Variants in MYH9 observed in about 807,000 individuals in gnomAD.
The protein encoded by MYH9 is myosin heavy chain 9.
MYH9 carries 29 observed loss-of-function variants against 241.9 expected under a neutral mutation model. The observed-to-expected ratio is 0.12, with a 90% CI of 0.09 to 0.16. The LOEUF (loss-of-function observed/expected upper bound fraction) is 0.16. Ranked by LOEUF, MYH9 falls within the 10% of genes least tolerant of loss-of-function variation. The pLI, the probability that MYH9 is intolerant of heterozygous loss-of-function variation, is 1.00. For synonymous variants in MYH9, 1,047 were observed against 1,062.6 expected, an observed-to-expected ratio of 0.99 and a Z score of 0.29; for missense variants, 1,803 against 2,595.5, an observed-to-expected ratio of 0.69 and a Z score of 6.63.
chr22:36,387,217 G>C (rs937155127), intron 1 of MYH9, among the ~76,000 whole-genome samples: 2 of 152,230 alleles, frequency 1.3e-5, no homozygotes, highest in African/African-American at 4.8e-5. Flanking sequence ...TGAGGAAGTC[G>C]GCCGCGGAGG....
chr22:36,372,928 T>C (rs1050053884), intron 1 of MYH9, among the ~76,000 whole-genome samples: 4 of 151,926 alleles, frequency 2.6e-5, no homozygotes, highest in African/African-American at 9.7e-5. Context: ...CCACAACACC[T>C]GGCAGAGGAA....
intron 31 of MYH9, among the ~76,000 whole-genome samples, chr22:36,289,741 T>A (rs1480317429): frequency 6.6e-6 from 1 of 152,146 alleles, no homozygotes; most frequent in Non-Finnish European, 1.5e-5. Context: ...TCCCCTGGCA[T>A]CTGTTCTCTG....
At chr22:36,379,178 CAG>C (rs2018216815) in intron 1 of MYH9, among the ~76,000 whole-genome samples, 1 of 152,150 alleles carries the variant, frequency 6.6e-6, no homozygotes, top group Admixed American at 6.5e-5. Context: ...GCAACCTACT[CAG>C]AGATTAGCTT....
At chr22:36,287,697 A>C (rs1191358879) in intron 34 of MYH9, among the ~76,000 whole-genome samples, 1 of 152,258 alleles carries the variant, frequency 6.6e-6, no homozygotes, top group Non-Finnish European at 1.5e-5. Flanking sequence ...AGCCGAGATC[A>C]TGCCACTGCA....
chr22:36,306,437 T>C lies in MYH9; in HGVS notation c.2014A>G (p.Ile672Val), dbSNP rs2016971348. Residue 672 changes from isoleucine to valine, a missense_variant, in exon 16 of 41, where the codon ATC (isoleucine) becomes GTC (valine). Ile to Val is a conservative substitution (Grantham distance 29, BLOSUM62 3). Coordinates refer to ENST00000216181, the MANE Select transcript of MYH9 (RefSeq NM_002473.6). The surrounding 1 kb of genome is among the most constrained non-coding windows in gnomAD (Gnocchi z 4.1). ...RNTNPNFVRC[I>V]IPNHEKKAGK... is the part of the protein sequence containing the mutation. The stretch of plus-strand genomic sequence containing the variant: ...ACCTTCTTCTCGTGGTTGGGGATGA[T>C]GCAGCGGACAAAGTTGGGGTTCGTG... 1 of 1,613,936 alleles carries C rather than the reference T, an allele frequency of 6.2e-7. No homozygotes were observed. The highest frequency in any genetic ancestry group is 8.5e-7 in the Non-Finnish European group (1 of 1,180,016).
chr22:36,295,450 C>T lies in MYH9; in HGVS notation c.3485+55G>A. The T allele has an allele frequency of 6.7e-7, 1 of 1,495,638 alleles. No individual in the cohort carries two copies. 92.6% of individuals were successfully genotyped at this position (1,495,638 alleles called of 1,614,324 possible). A position where few individuals can be genotyped will look rare whatever the true frequency, so the allele number is the denominator to read the frequency against. On this transcript the variant is annotated intron_variant, in intron 26 of 40. Coordinates refer to ENST00000216181, the MANE Select transcript of MYH9 (RefSeq NM_002473.6). The surrounding 1 kb of genome is among the most constrained non-coding windows in gnomAD (Gnocchi z 4.1). ...GAGGCCCGGGGTCCATGTCTCCAAG[C>T]CAAGGCCCCCCTGGCTGCCCTCCCC...
intron 34 of MYH9, 139 bp from the exon 35 acceptor site, chr22:36,286,985 G>T: frequency 8.3e-7 from 1 of 1,198,974 alleles, no homozygotes; most frequent in Non-Finnish European, 1.2e-6. Context: ...GTGGTGACAG[G>T]GCAAAAAGGC....
intron 5 of MYH9, among the ~76,000 whole-genome samples, chr22:36,323,487 C>G (rs2017288054): frequency 1.3e-5 from 2 of 152,168 alleles, no homozygotes; most frequent in South Asian, 4.1e-4. Flanking sequence ...GCCAGGCAAG[C>G]CTTTGTATTT....
At chr22:36,327,437 C>T in intron 4 of MYH9, 24 bp downstream of exon 4, 1 of 1,613,968 alleles carries the variant, frequency 6.2e-7, no homozygotes, top group Non-Finnish European at 8.5e-7. Flanking sequence ...AAACGAACCA[C>T]TACCCAGACG....
chr22:36,322,062 G>C (rs2017262006), intron 6 of MYH9: 5 of 594,360 alleles, frequency 8.4e-6, no homozygotes, highest in Non-Finnish European at 1.2e-5. Flanking sequence ...CCCACACCCA[G>C]GTTCCTCCGC....
chr22:36,332,529 G>A (rs943589999), intron 3 of MYH9, among the ~76,000 whole-genome samples: 29 of 151,964 alleles, frequency 1.9e-4, no homozygotes, highest in African/African-American at 5.1e-4. Context: ...AGTTCGACTC[G>A]GCCCAGTGCC....
At chr22:36,379,600 C>T (rs2146425747) in intron 1 of MYH9, among the ~76,000 whole-genome samples, 1 of 152,320 alleles carries the variant, frequency 6.6e-6, no homozygotes, top group Admixed American at 6.5e-5. Context: ...TCCTCTGGGA[C>T]ATACCATAAG....
At position 36,329,161 on chromosome 22, in the gene MYH9, G is replaced by A. The variant is rs1195415853; in HGVS notation, c.491-1673C>T. ...AGCATCAACGGGGTGGGGGCGCAGA[G>A]GGGCTGGGTCACTCTCATTCACAAA... On this transcript the variant is annotated intron_variant, in intron 3 of 40. Transcript: ENST00000216181. The surrounding 1 kb of genome is among the most constrained non-coding windows in gnomAD (Gnocchi z 4.1). Among the ~76,000 whole-genome samples, 1 of 152,192 alleles carries A rather than the reference G, an allele frequency of 6.6e-6. No individual in the cohort carries two copies. The highest frequency in any genetic ancestry group is 6.5e-5 in the Admixed American group (1 of 15,286).
At position 36,284,165 on chromosome 22, in the gene MYH9, C is replaced by T; in HGVS notation, c.5693G>A (p.Arg1898His). The part of the protein sequence containing the change: ...RANASRRKLQ[R>H]ELEDATETAD... ...CGTCTCAGTGGCGTCCTCCAGCTCG[C>T]GCTGCAGTTTCCGGCGGGAGGCGTT... Residue 1898 changes from arginine (R) to histidine (H), a missense_variant, in exon 40 of 41, where the codon CGC becomes CAC. Around this residue, in one of 11 missense-constraint regions of MYH9, gnomAD observed 876 missense variants for 1,077.8 expected, o/e 0.81. Transcript: ENST00000216181. 4 of 1,614,146 alleles carry T rather than the reference C, an allele frequency of 2.5e-6. No individual in the cohort carries two copies. Among genetic ancestry groups the T allele is most frequent in the Non-Finnish European group, 3.4e-6 (4 of 1,180,010 alleles).
intron 27 of MYH9, 75 bp downstream of exon 27, chr22:36,294,857 A>C: frequency 1.9e-6 from 3 of 1,594,074 alleles, no homozygotes. Flanking sequence ...ACTGCTCTGC[A>C]GGACTGGTTT....
intron 3 of MYH9, among the ~76,000 whole-genome samples, chr22:36,335,104 G>A (rs924871337): frequency 1.3e-5 from 2 of 152,154 alleles, no homozygotes; most frequent in Non-Finnish European, 2.9e-5. Flanking sequence ...CTCGAGGCTC[G>A]GTGGGGCGCC....
intron 31 of MYH9, among the ~76,000 whole-genome samples, chr22:36,291,094 G>A (rs1330269490): frequency 4.7e-5 from 7 of 150,518 alleles, no homozygotes; most frequent in Admixed American, 6.6e-5. Flanking sequence ...CGCCCCGTCC[G>A]GGAGGTGAGG....
Position 36,296,902 on chromosome 22 carries a change from G to T in MYH9, c.3213C>A (p.Ile1071=). Residue 1071 remains isoleucine, a synonymous_variant, in exon 25 of 41, where the codon ATC becomes ATA. Transcript: ENST00000216181. ...TGGCCAGCTGCATCTTGAGCTCCGCGATCTGGGCCTGGAGCTCGGCGATCT... is the reference window on the plus strand; with the variant it reads ...TGGCCAGCTGCATCTTGAGCTCCGCTATCTGGGCCTGGAGCTCGGCGATCT... ...SDQIAELQAQ[I]AELKMQLAKK... The T allele has an allele frequency of 6.2e-7, 1 of 1,613,746 alleles. No homozygotes were observed. The highest frequency in any genetic ancestry group is 1.1e-5 in the South Asian group (1 of 91,080).
At chr22:36,318,380 G>A (rs201338633) in intron 10 of MYH9, 55 bp from the exon 11 acceptor site, 20 of 1,385,190 alleles carry the variant, frequency 1.4e-5, no homozygotes, top group Non-Finnish European at 1.9e-5. Flanking sequence ...AGACCCAAGA[G>A]AGAAAGTTCT....
Sources: gnomAD v4.1 joint callset for allele counts (sites outside exome capture counted in the v4.1 genomes callset) on GRCh38, gnomAD v4.1.1 for gene constraint, gnomAD v4.1.1 regional missense constraint, Gnocchi (gnomAD v3.1) non-coding constraint, MANE v1.5 for transcripts, NCBI Gene and HGNC (gene_info 2026-07-23, HGNC 2026-07-21) for gene names.